RNF111: variants seen among roughly 807,000 people sequenced by gnomAD.
RNF111 encodes ring finger protein 111.
Under a neutral mutation model 95.1 loss-of-function variants are expected in RNF111, and 17 were observed. The observed-to-expected ratio is 0.18, with a 90% confidence interval of 0.12 to 0.27. RNF111 has a LOEUF of 0.27. Among genes scored for constraint, RNF111 ranks in the 10% least tolerant of loss-of-function variants. RNF111 has a pLI of 1.00. For missense variants in RNF111, 1,189 were observed against 1,210.4 expected, an observed-to-expected ratio of 0.98 and a Z score of 0.26; for synonymous variants, 440 against 414.8, an observed-to-expected ratio of 1.06 and a Z score of -0.74.
chr15:59,066,848 A>G lies in RNF111; in HGVS notation c.1451A>G (p.His484Arg). The G allele has an allele frequency of 6.2e-7, 1 of 1,613,982 alleles. No individual in the cohort carries two copies. Among genetic ancestry groups the G allele is most frequent in the South Asian group, 1.1e-5 (1 of 91,078 alleles). The change falls in exon 6 of 14, where the codon CAC becomes CGC. Residue 484 changes from histidine (H) to arginine (R), a missense_variant. Physicochemically the swap from His to Arg is conservative, Grantham distance 29 (BLOSUM62 0). Coordinates refer to ENST00000348370, the MANE Select transcript of RNF111 (RefSeq NM_017610.8). ...MPRLPSCCPQ[H>R]SPCGGSSQNH... ...AGGTTACCTTCCTGCTGTCCCCAGC[A>G]CTCACCATGTGGAGGGTCGTCACAG...
intron 1 of RNF111, among the ~76,000 whole-genome samples, chr15:59,008,394 T>G (rs1480975645): frequency 6.6e-6 from 1 of 152,052 alleles, no homozygotes; most frequent in African/African-American, 2.4e-5. Context: ...GTTTTAAAAT[T>G]TTTTTGTAGA....
At chr15:59,061,796 G>A (rs1376749004) in intron 5 of RNF111, among the ~76,000 whole-genome samples, 1 of 152,038 alleles carries the variant, frequency 6.6e-6, no homozygotes, top group African/African-American at 2.4e-5. Context: ...GTTTTTGTCT[G>A]TGTACATTTA....
intron 11 of RNF111, among the ~76,000 whole-genome samples, chr15:59,090,210 T>C (rs2079011639): frequency 1.4e-5 from 1 of 72,994 alleles, no homozygotes; most frequent in South Asian, 3.7e-4. Flanking sequence ...GTTTGTTTTT[T>C]TGTTTGTTTG....
intron 8 of RNF111, chr15:59,083,868 T>C (rs2078820717): frequency 5.5e-6 from 1 of 181,472 alleles, no homozygotes; most frequent in African/African-American, 3.9e-5. Context: ...AAGATAATGT[T>C]AAAATTACTT....
At chr15:59,020,110 T>C (rs1220565160) in intron 1 of RNF111, among the ~76,000 whole-genome samples, 58 of 148,562 alleles carry the variant, frequency 3.9e-4, no homozygotes, top group Non-Finnish European at 3.0e-5. Context: ...TATAAATATA[T>C]ATTTCATATA....
intron 1 of RNF111, among the ~76,000 whole-genome samples, chr15:59,016,000 CCCA>C (rs2040047323): frequency 6.6e-6 from 1 of 151,234 alleles, no homozygotes; most frequent in African/African-American, 2.4e-5. Context: ...CCAGGTGCAC[CCCA>C]CCACACCTAG....
intron 2 of RNF111, among the ~76,000 whole-genome samples, chr15:59,045,732 GTTAA>G (rs1208800650): frequency 1.3e-5 from 2 of 152,096 alleles, no homozygotes; most frequent in Non-Finnish European, 2.9e-5. Flanking sequence ...AATAATTTGA[GTTAA>G]TTAACAAGTA....
chr15:59,083,486 C>A (rs1204146104), intron 8 of RNF111, among the ~76,000 whole-genome samples: 1 of 149,846 alleles, frequency 6.7e-6, no homozygotes, highest in African/African-American at 2.5e-5. Context: ...TGCAGTGAGC[C>A]AAGATTGCCA....
At chr15:59,021,326 T>G (rs1214601633) in intron 1 of RNF111, among the ~76,000 whole-genome samples, 1 of 152,098 alleles carries the variant, frequency 6.6e-6, no homozygotes, top group Non-Finnish European at 1.5e-5. Flanking sequence ...AATTTTTGTA[T>G]TTTTAGTAGA....
chr15:59,064,271 C>T (rs905359313), intron 5 of RNF111, among the ~76,000 whole-genome samples: 1 of 152,086 alleles, frequency 6.6e-6, no homozygotes, highest in African/African-American at 2.4e-5. Flanking sequence ...CGTGGTGCCT[C>T]ACGCCTGTAA....
rs1202440143 is a variant in RNF111, at chr15:59,031,131, G to A, written c.309G>A (p.Ser103=). The change falls in exon 2 of 14, where the codon TCG becomes TCA. Residue 103 remains serine (S), a synonymous_variant. Transcript: ENST00000348370. ...KKRKSQQAGP[S]YVQNCVKENQ... ...GCAAAAGCCAGCAGGCTGGCCCTTC[G>A]TATGTGCAGAATTGTGTTAAAGAAA... is the stretch of plus-strand genomic sequence containing the variant. 17 of 1,614,066 alleles carry A rather than the reference G, an allele frequency of 1.1e-5. No homozygotes were observed. Among genetic ancestry groups the A allele is most frequent in the African/African-American group, 2.7e-5 (2 of 74,940 alleles).
rs114523413 is a variant in RNF111, at chr15:59,063,883, A to C, written c.1367-2881A>C. Among the ~76,000 whole-genome samples, 542 of 152,338 alleles carry C rather than the reference A, an allele frequency of 3.6e-3. 3 individuals are homozygous for C. The highest frequency in any genetic ancestry group is 0.013 in the African/African-American group (521 of 41,570). Reference sequence around the variant, plus strand: ...AGGAACCATGAAGGTAATTTAGCGTATCCCAGTGAGTGAGCTTAGTATCCC... The same window carrying C: ...AGGAACCATGAAGGTAATTTAGCGTCTCCCAGTGAGTGAGCTTAGTATCCC... On this transcript the variant is annotated intron_variant, in intron 5 of 13. Coordinates refer to ENST00000348370, the MANE Select transcript of RNF111 (RefSeq NM_017610.8).
intron 1 of RNF111, among the ~76,000 whole-genome samples, chr15:59,028,090 G>A (rs1208279992): frequency 1.3e-5 from 2 of 151,866 alleles, no homozygotes; most frequent in Non-Finnish European, 2.9e-5. Context: ...GCCTCCCAAA[G>A]TGTAGGGTTT....
Position 59,066,809 on chromosome 15 carries a change from C to G in RNF111, c.1412C>G (p.Pro471Arg), listed in dbSNP as rs1164881608. 6.2e-7 allele frequency: 1 copy of G among 1,614,022 alleles called. No individual in the cohort carries two copies. Among genetic ancestry groups the G allele is most frequent in the Non-Finnish European group, 8.5e-7 (1 of 1,179,988 alleles). ...TCTAGTGCTGTAACGGAAACTGGCC[C>G]TCCTGCAATGCCAAGGTTACCTTCC... The part of the protein sequence containing the change: ...TTSSAVTETG[P>R]PAMPRLPSCC... Residue 471 changes from proline (P) to arginine (R), a missense_variant, in exon 6 of 14, where the codon CCT becomes CGT. Transcript: ENST00000348370.
rs549692913 is a variant in RNF111 at position 59,051,799 on chromosome 15, A to G, written c.881-506A>G. Among the ~76,000 whole-genome samples, 38 of 151,894 alleles carry G rather than the reference A, an allele frequency of 2.5e-4. No homozygotes were observed. In the South Asian group the frequency reaches 5.0e-3, roughly 20 times the overall value. On this transcript the variant is annotated intron_variant, in intron 2 of 13. Coordinates refer to ENST00000348370, the MANE Select transcript of RNF111 (RefSeq NM_017610.8). ...TAAATAAATAAATAAATAAATAAAT[A>G]AATAAATGAATAAATAAACAAATGA...
At chr15:59,009,862 G>A (rs1295451031) in intron 1 of RNF111, among the ~76,000 whole-genome samples, 1 of 152,064 alleles carries the variant, frequency 6.6e-6, no homozygotes, top group Non-Finnish European at 1.5e-5. Context: ...AGGCTGAGGC[G>A]GGAGGATCAC....
At chr15:59,067,296 T>A (rs1596258713) in intron 6 of RNF111, among the ~76,000 whole-genome samples, 1 of 149,494 alleles carries the variant, frequency 6.7e-6, no homozygotes, top group East Asian at 2.0e-4. Flanking sequence ...CTTCCCCTCC[T>A]TCCTTCCCTC....
intron 9 of RNF111, chr15:59,085,394 AGCCATATATTTCCTTCCTTTGT>A: frequency 4.9e-6 from 1 of 205,804 alleles, no homozygotes; most frequent in African/African-American, 2.3e-5. Context: ...GGAACTTCGT[AGCCATATATTTCCTTCCTTTGT>A]AAGATGTGAA....
chr15:59,022,683 T>C (rs1389128352), intron 1 of RNF111, among the ~76,000 whole-genome samples: 5 of 152,212 alleles, frequency 3.3e-5, no homozygotes, highest in African/African-American at 1.2e-4. Context: ...TCACACTCCA[T>C]ATAAATCATT....
Sources: gnomAD v4.1 joint callset for allele counts (sites outside exome capture counted in the v4.1 genomes callset) on GRCh38, gnomAD v4.1.1 for gene constraint, MANE v1.5 for transcripts, NCBI Gene and HGNC (gene_info 2026-07-23, HGNC 2026-07-21) for gene names.